The following IQSEC1 variants were observed in gnomAD, a reference collection of about 807,000 sequenced individuals.
The protein encoded by IQSEC1 is IQ motif and Sec7 domain ArfGEF 1, also known as IQ motif and SEC7 domain-containing protein 1.
Under a neutral mutation model 91.0 loss-of-function variants are expected in IQSEC1, and 31 were observed. The observed-to-expected ratio is 0.34, with a 90% CI of 0.26 to 0.46. The LOEUF is 0.46. IQSEC1 is among the 20% of genes least tolerant of loss of function. The pLI, the probability that IQSEC1 is intolerant of heterozygous loss-of-function variation, is 1.00. For missense variants in IQSEC1, 1,388 were observed against 1,575.6 expected (o/e 0.88, Z 2.02); for synonymous variants, 699 against 662.6 (o/e 1.05, Z -0.84).
chr3:13,006,357 G>A (rs981684276), intron 1 of IQSEC1, among the ~76,000 whole-genome samples: 1 of 152,300 alleles, frequency 6.6e-6, no homozygotes, highest in Middle Eastern at 3.4e-3. Context: ...GAACTGAAGG[G>A]ACCCCGGTGT....
chr3:12,954,570 C>G (rs1245885145), intron 1 of IQSEC1, among the ~76,000 whole-genome samples: 1 of 152,254 alleles, frequency 6.6e-6, no homozygotes, highest in Non-Finnish European at 1.5e-5. Context: ...TCTCCGCTGT[C>G]TATCACACCA....
intron 8 of IQSEC1, among the ~76,000 whole-genome samples, chr3:12,914,860 G>C (rs1275799242): frequency 1.4e-4 from 22 of 152,038 alleles, no homozygotes; most frequent in Admixed American, 1.4e-3. Flanking sequence ...CGCAGGGTCT[G>C]GGGGCTGGGC....
At chr3:13,025,417 G>A (rs1456735727) in intron 1 of IQSEC1, among the ~76,000 whole-genome samples, 1 of 152,260 alleles carries the variant, frequency 6.6e-6, no homozygotes, top group Non-Finnish European at 1.5e-5. Context: ...TGAGGGCAGG[G>A]CACAGCTCAG....
chr3:13,106,216 A>C (rs1335647450), intron 2 of IQSEC1, among the ~76,000 whole-genome samples: 1 of 152,100 alleles, frequency 6.6e-6, no homozygotes, highest in Non-Finnish European at 1.5e-5. Flanking sequence ...CCATGAAACT[A>C]GACTTCTCCA....
intron 1 of IQSEC1, among the ~76,000 whole-genome samples, chr3:13,215,623 C>T (rs1488261401): frequency 2.6e-5 from 4 of 152,210 alleles, no homozygotes; most frequent in Admixed American, 2.6e-4. Flanking sequence ...AACACCAGGG[C>T]ATTACCAAAT....
intron 1 of IQSEC1, among the ~76,000 whole-genome samples, chr3:13,239,068 G>A (rs1278284651): frequency 2.0e-5 from 3 of 152,234 alleles, no homozygotes; most frequent in Non-Finnish European, 4.4e-5. Flanking sequence ...TGCTCCCTGT[G>A]AATCTCCCCT....
chr3:13,197,226 C>T (rs746702186), intron 1 of IQSEC1, among the ~76,000 whole-genome samples: 29 of 152,314 alleles, frequency 1.9e-4, no homozygotes, highest in Non-Finnish European at 2.9e-4. Flanking sequence ...TTCACTTGAA[C>T]GGGAAACGCT....
intron 1 of IQSEC1, among the ~76,000 whole-genome samples, chr3:13,264,225 C>T (rs569209604): frequency 1.5e-4 from 23 of 152,310 alleles, no homozygotes; most frequent in African/African-American, 5.3e-4. Flanking sequence ...TTGTGTCTCC[C>T]GCCTGCCACA....
intron 12 of IQSEC1, among the ~76,000 whole-genome samples, chr3:12,903,945 C>A (rs998037849): frequency 2.6e-5 from 4 of 152,232 alleles, no homozygotes; most frequent in African/African-American, 9.6e-5. Flanking sequence ...CAGACCTGCT[C>A]ACCCGACCGC....
intron 1 of IQSEC1, among the ~76,000 whole-genome samples, chr3:13,023,629 C>A (rs1014039079): frequency 1.3e-5 from 2 of 152,182 alleles, no homozygotes; most frequent in South Asian, 4.1e-4. Context: ...GTCCCCAGGC[C>A]CCACCCCCGG....
chr3:12,958,722 G>A (rs779953522), intron 1 of IQSEC1, among the ~76,000 whole-genome samples: 2 of 152,220 alleles, frequency 1.3e-5, no homozygotes, highest in Non-Finnish European at 2.9e-5. Flanking sequence ...TGCCTAGGGT[G>A]TGACTTTGGC....
At chr3:13,127,446 A>AAAC (rs1559260519) in intron 2 of IQSEC1, among the ~76,000 whole-genome samples, 31 of 136,360 alleles carry the variant, frequency 2.3e-4, no homozygotes, top group African/African-American at 7.2e-4. Context: ...AACAAACAAA[A>AAAC]AAAAAAAAAC....
chr3:13,087,631 T>C (rs967376534), intron 2 of IQSEC1, among the ~76,000 whole-genome samples: 2 of 152,244 alleles, frequency 1.3e-5, no homozygotes, highest in Non-Finnish European at 2.9e-5. Context: ...GGAGTTTTTC[T>C]TTCACTACCA....
intron 1 of IQSEC1, among the ~76,000 whole-genome samples, chr3:13,020,052 C>T (rs962066214): frequency 2.4e-4 from 37 of 152,328 alleles, no homozygotes; most frequent in African/African-American, 7.9e-4. Context: ...CTCCCAGTGC[C>T]GAGCCCTCTG....
At chr3:12,913,196 C>A (rs1217901951) in intron 9 of IQSEC1, among the ~76,000 whole-genome samples, 1 of 152,198 alleles carries the variant, frequency 6.6e-6, no homozygotes, top group African/African-American at 2.4e-5. Flanking sequence ...GTGCTGCTGA[C>A]GTTGGCAGAG....
chr3:12,981,894 G>A (rs1249899946), intron 1 of IQSEC1, among the ~76,000 whole-genome samples: 1 of 152,206 alleles, frequency 6.6e-6, no homozygotes, highest in Non-Finnish European at 1.5e-5. Context: ...CTTGCCTCCT[G>A]GCATCCCACA....
At chr3:13,215,152 A>C (rs357150) in intron 1 of IQSEC1, among the ~76,000 whole-genome samples, 6 of 151,990 alleles carry the variant, frequency 3.9e-5, no homozygotes, top group African/African-American at 1.5e-4. Context: ...AGGCTCCTGC[A>C]GTACACAAGA....
intron 1 of IQSEC1, among the ~76,000 whole-genome samples, chr3:13,235,006 G>A (rs186631686): frequency 3.2e-4 from 48 of 152,270 alleles, no homozygotes; most frequent in East Asian, 1.9e-3. Flanking sequence ...GTGTGGAGCC[G>A]GGGCATGGGG....
At chr3:12,957,437 A>G (rs1699980399) in intron 1 of IQSEC1, among the ~76,000 whole-genome samples, 1 of 152,238 alleles carries the variant, frequency 6.6e-6, no homozygotes, top group African/African-American at 2.4e-5. Flanking sequence ...ACACGCACAG[A>G]GCCAAAAATC....
Sources: allele counts gnomAD v4.1 joint callset (sites outside exome capture counted in the v4.1 genomes callset), GRCh38; gene constraint gnomAD v4.1.1; transcripts MANE v1.5; gene names NCBI Gene and HGNC (gene_info 2026-07-23, HGNC 2026-07-21).